BCL10: variants seen among roughly 807,000 people sequenced by gnomAD.
The protein encoded by BCL10 is BCL10 immune signaling adaptor, also known as B-cell lymphoma/leukemia 10.
A neutral mutation model predicts 19.2 loss-of-function variants in BCL10; 5 were observed. The observed-to-expected ratio is 0.26, with a 90% CI of 0.14 to 0.55. The LOEUF is 0.55. BCL10 is among the 20% of genes least tolerant of loss of function. The pLI is 0.94. For missense variants in BCL10, 201 were observed against 271.9 expected (o/e 0.74, Z 1.83); for synonymous variants, 110 against 98.8 (o/e 1.11, Z -0.67).
Position 85,270,882 on chromosome 1 carries a change from G to A in BCL10, c.82C>T (p.Leu28=), listed in dbSNP as rs760915277. ...CTCTCAGCTATGATTTTCTCACACA[G>A]GTATACACGTAAATTTTCTAAGGCC... is the stretch of plus-strand genomic sequence containing the variant. ...KDALENLRVY[L]CEKIIAERHF... Residue 28 remains leucine (L), a synonymous_variant, in exon 2 of 3, where the codon CTG becomes TTG. Transcript: ENST00000648566. 1 of 1,609,582 alleles carries A rather than the reference G, an allele frequency of 6.2e-7. No homozygotes were observed. The highest frequency in any genetic ancestry group is 8.5e-7 in the Non-Finnish European group (1 of 1,179,352).
chr1:85,272,041 G>A (rs781400662), intron 1 of BCL10, among the ~76,000 whole-genome samples: 41 of 151,898 alleles, frequency 2.7e-4, no homozygotes, highest in Non-Finnish European at 3.7e-4. Context: ...CAATGTGATC[G>A]GGCCCAGAAA....
intron 1 of BCL10, among the ~76,000 whole-genome samples, chr1:85,274,292 GTAGT>G (rs1660448988): frequency 2.0e-5 from 3 of 152,202 alleles, no homozygotes; most frequent in Admixed American, 2.0e-4. Flanking sequence ...AGGGCACCAA[GTAGT>G]TAATGTTTCA....
At chr1:85,268,383 T>C (rs1660261842) in intron 2 of BCL10, among the ~76,000 whole-genome samples, 1 of 152,202 alleles carries the variant, frequency 6.6e-6, no homozygotes, top group Non-Finnish European at 1.5e-5. Context: ...ATTCTATCTG[T>C]TGATCAATGA....
intron 1 of BCL10, among the ~76,000 whole-genome samples, chr1:85,274,808 G>C (rs1660470618): frequency 6.6e-6 from 1 of 152,032 alleles, no homozygotes; most frequent in Admixed American, 6.5e-5. Flanking sequence ...TAAGAAAAAA[G>C]CATGCACATA....
rs1162137413 is a variant in BCL10, at chr1:85,265,995, T to C, written c.*1632A>G. Among the ~76,000 whole-genome samples, 1 of 152,352 alleles carries C rather than the reference T, an allele frequency of 6.6e-6. No individual in the cohort carries two copies. Among genetic ancestry groups the C allele is most frequent in the Non-Finnish European group, 1.5e-5 (1 of 68,034 alleles). The stretch of plus-strand genomic sequence containing the variant: ...CCTATTTTCTTTCTAACACCACTAT[T>C]TTTGCTATGCATTGGAGGTGAAACA... On this transcript the variant is annotated 3_prime_UTR_variant, in exon 3 of 3. Coordinates refer to ENST00000648566, the MANE Select transcript of BCL10 (RefSeq NM_003921.5).
At chr1:85,268,404 T>C (rs1196232646) in intron 2 of BCL10, among the ~76,000 whole-genome samples, 1 of 152,232 alleles carries the variant, frequency 6.6e-6, no homozygotes, top group African/African-American at 2.4e-5. Context: ...CAATGGCTAA[T>C]TCTTGAATAA....
chr1:85,267,940 G>A lies in BCL10; in HGVS notation c.389C>T (p.Thr130Met), dbSNP rs1443772574. 3 of 1,601,688 alleles carry A rather than the reference G, an allele frequency of 1.9e-6. No individual in the cohort carries two copies. The highest frequency in any genetic ancestry group is 2.6e-6 in the Non-Finnish European group (3 of 1,173,230). Residue 130 changes from threonine to methionine, a missense_variant, in exon 3 of 3, where the codon ACG (threonine) becomes ATG (methionine). By Grantham distance (81) the Thr-to-Met change is moderately conservative. Around this residue, in one of 3 missense-constraint regions of BCL10, gnomAD observed 126 missense variants for 136.6 expected, o/e 0.92. Coordinates refer to ENST00000648566, the MANE Select transcript of BCL10 (RefSeq NM_003921.5). ...SSCEPFPDGA[T>M]NNLSRSNSDE... ...TGAATTTGATCTGGAGAGGTTGTTCGTGGCTCCATCTGGAAAAGGTTCACA... is the reference window on the plus strand; with the variant it reads ...TGAATTTGATCTGGAGAGGTTGTTCATGGCTCCATCTGGAAAAGGTTCACA...
In BCL10 at chr1:85,266,110, G is replaced by A. The variant is rs766096223; in HGVS notation, c.*1517C>T. ...CTAATATGCCAATCTTCTTCATGTC[G>A]GATAAATTCATCAGTCCATCCAGAA... On this transcript the variant is annotated 3_prime_UTR_variant, in exon 3 of 3. Transcript: ENST00000648566. The A allele has an allele frequency of 1.1e-4, 21 of 186,000 alleles. No individual in the cohort carries two copies. The highest frequency in any genetic ancestry group is 1.2e-4 in the Admixed American group (2 of 16,074). 11.5% of individuals were successfully genotyped at this position (186,000 alleles called of 1,614,324 possible). A position where few individuals can be genotyped will look rare whatever the true frequency, so the allele number is the denominator to read the frequency against.
chr1:85,269,456 G>C (rs1299524502), intron 2 of BCL10, among the ~76,000 whole-genome samples: 1 of 152,186 alleles, frequency 6.6e-6, no homozygotes, highest in East Asian at 1.9e-4. Context: ...AACCTGCATA[G>C]TCTATAAAGG....
Position 85,274,085 on chromosome 1 carries a change from C to T in BCL10, c.57+2211G>A, listed in dbSNP as rs76933968. ...CAGTTCTGTCAAATCTTTCAGGAAT[C>T]AGTTTAAATATAACCTCTCCTGACC... is the stretch of plus-strand genomic sequence containing the variant. On this transcript the variant is annotated intron_variant, in intron 1 of 2. Coordinates refer to ENST00000648566, the MANE Select transcript of BCL10 (RefSeq NM_003921.5). 7.1e-3 allele frequency among the ~76,000 whole-genome samples: 1,084 copies of T among 152,310 alleles called. 12 individuals carry two copies. Among genetic ancestry groups the T allele is most frequent in the African/African-American group, 0.024 (995 of 41,566 alleles).
intron 1 of BCL10, among the ~76,000 whole-genome samples, chr1:85,276,001 T>G (rs4949928): frequency 1.4e-4 from 21 of 152,024 alleles, no homozygotes; most frequent in African/African-American, 4.6e-4. Flanking sequence ...AAGAACCCAG[T>G]TGGGGGGAAA....
intron 1 of BCL10, among the ~76,000 whole-genome samples, chr1:85,273,444 A>G (rs1660421804): frequency 6.6e-6 from 1 of 152,210 alleles, no homozygotes; most frequent in South Asian, 2.1e-4. Context: ...TTTCAAGCTA[A>G]CAATTCACTT....
chr1:85,275,831 T>C (rs1660507847), intron 1 of BCL10, among the ~76,000 whole-genome samples: 1 of 152,226 alleles, frequency 6.6e-6, no homozygotes, highest in Non-Finnish European at 1.5e-5. Context: ...TTTCAGCTGT[T>C]GAGCTTCCTC....
chr1:85,266,220 AAAT>A lies in BCL10; in HGVS notation c.*1404_*1406del, dbSNP rs1660185975. The A allele has an allele frequency of 5.3e-6, 1 of 187,790 alleles. No individual in the cohort carries two copies. The highest frequency in any genetic ancestry group is 1.1e-5 in the Non-Finnish European group (1 of 89,066). 11.6% of individuals were successfully genotyped at this position (187,790 alleles called of 1,614,324 possible). ...AAAAGTTTTAGATACTTCCTACTGA[AAAT>A]TTGGAACTCCAAAATAGCACTCACT... On this transcript the variant is annotated 3_prime_UTR_variant, in exon 3 of 3. Transcript: ENST00000648566.
At chr1:85,268,536 G>T (rs1426973313) in intron 2 of BCL10, among the ~76,000 whole-genome samples, 1 of 152,128 alleles carries the variant, frequency 6.6e-6, no homozygotes, top group Non-Finnish European at 1.5e-5. Context: ...TTGGGAGGCC[G>T]AAGTGGGCAG....
At chr1:85,272,738 C>T (rs552855633) in intron 1 of BCL10, among the ~76,000 whole-genome samples, 1 of 152,210 alleles carries the variant, frequency 6.6e-6, no homozygotes, top group South Asian at 2.1e-4. Flanking sequence ...TACTTCACCA[C>T]TCCAAGCTCC....
intron 1 of BCL10, among the ~76,000 whole-genome samples, chr1:85,273,085 T>A (rs1232893082): frequency 1.3e-5 from 2 of 152,134 alleles, no homozygotes; most frequent in Non-Finnish European, 2.9e-5. Flanking sequence ...TTTGGAAAGG[T>A]TTACCTAACT....
intron 1 of BCL10, among the ~76,000 whole-genome samples, chr1:85,271,733 T>C (rs958314343): frequency 1.3e-5 from 2 of 152,166 alleles, no homozygotes; most frequent in Non-Finnish European, 2.9e-5. Context: ...ATATGAGGAA[T>C]AAAGATATGC....
chr1:85,272,403 ATTT>A (rs952747276), intron 1 of BCL10, among the ~76,000 whole-genome samples: 2 of 133,462 alleles, frequency 1.5e-5, no homozygotes, highest in Non-Finnish European at 3.2e-5. Flanking sequence ...CTAATTTTTA[ATTT>A]TTTTTTTTTT....
Sources: allele counts gnomAD v4.1 joint callset (sites outside exome capture counted in the v4.1 genomes callset), GRCh38; gene constraint gnomAD v4.1.1; regional missense constraint gnomAD v4.1.1; transcripts MANE v1.5; gene names NCBI Gene and HGNC (gene_info 2026-07-23, HGNC 2026-07-21).